Variants in PEBP4 observed in about 807,000 individuals in gnomAD.
PEBP4 encodes phosphatidylethanolamine binding protein 4.
A neutral mutation model predicts 23.9 loss-of-function variants in PEBP4; 22 were observed. That is an observed-to-expected ratio of 0.92 (90% confidence interval 0.66 to 1.31). The LOEUF is 1.31. Ranked by LOEUF, PEBP4 falls within the 40% of genes most tolerant of loss-of-function variation. The pLI is 0.00. For synonymous variants in PEBP4, 112 were observed against 99.3 expected (o/e 1.13, Z -0.76); for missense variants, 324 against 281.7 (o/e 1.15, Z -1.07).
intron 3 of PEBP4, among the ~76,000 whole-genome samples, chr8:22,894,296 T>C (rs1031472194): frequency 2.0e-5 from 3 of 152,106 alleles, no homozygotes; most frequent in Non-Finnish European, 4.4e-5. Flanking sequence ...GGCACAGCCA[T>C]GCATAGTGGC....
chr8:22,841,219 G>C (rs1236070315), intron 3 of PEBP4, among the ~76,000 whole-genome samples: 1 of 152,256 alleles, frequency 6.6e-6, no homozygotes. Flanking sequence ...ACCCAGCTCT[G>C]TCTGACTGCG....
intron 3 of PEBP4, among the ~76,000 whole-genome samples, chr8:22,828,615 G>C (rs898823790): frequency 6.6e-6 from 1 of 152,070 alleles, no homozygotes; most frequent in Non-Finnish European, 1.5e-5. Context: ...TTGGGTAGAC[G>C]CCATTGCACC....
intron 3 of PEBP4, among the ~76,000 whole-genome samples, chr8:22,891,903 C>G (rs770399345): frequency 7.2e-5 from 11 of 152,196 alleles, no homozygotes; most frequent in Non-Finnish European, 7.3e-5. Flanking sequence ...GAAACCCCGT[C>G]TCTATTAAAA....
intron 1 of PEBP4, among the ~76,000 whole-genome samples, chr8:22,939,926 C>T (rs889231711): frequency 1.3e-5 from 2 of 152,154 alleles, no homozygotes; most frequent in Non-Finnish European, 2.9e-5. Context: ...ACTTAATAAG[C>T]CCATTTCATT....
intron 2 of PEBP4, chr8:22,924,891 C>G: frequency 6.1e-6 from 6 of 985,392 alleles, no homozygotes; most frequent in Non-Finnish European, 7.2e-6. Flanking sequence ...CAATGTCTCA[C>G]AGCTTGTCAC....
At chr8:22,923,945 C>A (rs578228928) in intron 2 of PEBP4, among the ~76,000 whole-genome samples, 2 of 152,152 alleles carry the variant, frequency 1.3e-5, no homozygotes, top group Admixed American at 6.5e-5. Flanking sequence ...TAGAAATGAC[C>A]TAGTCTAAGG....
chr8:22,741,904 G>A (rs989076714), intron 4 of PEBP4, among the ~76,000 whole-genome samples: 2 of 152,174 alleles, frequency 1.3e-5, no homozygotes, highest in Non-Finnish European at 2.9e-5. Flanking sequence ...AGTGCGCAGG[G>A]ACACGAGGAG....
intron 4 of PEBP4, among the ~76,000 whole-genome samples, chr8:22,774,871 C>T (rs75153280): frequency 6.8e-4 from 104 of 152,286 alleles, no homozygotes; most frequent in African/African-American, 2.0e-3. Context: ...GACTTTCCCC[C>T]ATGGTCTTCT....
At chr8:22,913,913 G>T (rs574603820) in intron 3 of PEBP4, among the ~76,000 whole-genome samples, 1 of 151,536 alleles carries the variant, frequency 6.6e-6, no homozygotes, top group African/African-American at 2.4e-5. Context: ...TGAACTCCTG[G>T]GTTCAAGTGA....
intron 4 of PEBP4, among the ~76,000 whole-genome samples, chr8:22,814,480 G>T (rs1806697463): frequency 6.6e-6 from 1 of 152,180 alleles, no homozygotes; most frequent in African/African-American, 2.4e-5. Flanking sequence ...GAGGTGGGGG[G>T]TGCCACAGAT....
At chr8:22,768,485 C>T (rs922528088) in intron 4 of PEBP4, among the ~76,000 whole-genome samples, 8 of 152,218 alleles carry the variant, frequency 5.3e-5, no homozygotes, top group Non-Finnish European at 5.9e-5. Flanking sequence ...ACCCCCCATC[C>T]CCTGCCAATC....
chr8:22,862,799 C>CT (rs3060707), intron 3 of PEBP4, among the ~76,000 whole-genome samples: 2,575 of 110,850 alleles, frequency 0.023, 123 homozygotes, highest in African/African-American at 0.076. Context: ...CCCTCATAAC[C>CT]TTTTTTTTTT....
intron 3 of PEBP4, among the ~76,000 whole-genome samples, chr8:22,835,129 A>T (rs1032818256): frequency 1.3e-5 from 2 of 152,200 alleles, no homozygotes; most frequent in African/African-American, 4.8e-5. Flanking sequence ...CCCCAGTTCT[A>T]CATATAGGCT....
chr8:22,873,959 T>C (rs998588446), intron 3 of PEBP4, among the ~76,000 whole-genome samples: 26 of 152,136 alleles, frequency 1.7e-4, no homozygotes, highest in African/African-American at 6.3e-4. Flanking sequence ...GGTTACCACA[T>C]TTGTCCCTAG....
chr8:22,731,922 G>A (rs1468781685), intron 4 of PEBP4, among the ~76,000 whole-genome samples: 2 of 151,688 alleles, frequency 1.3e-5, no homozygotes, highest in East Asian at 1.9e-4. Context: ...TGATCCGCCC[G>A]CCTCGGCTTC....
chr8:22,938,947 T>C (rs759208194), intron 1 of PEBP4, among the ~76,000 whole-genome samples: 1 of 152,254 alleles, frequency 6.6e-6, no homozygotes, highest in Non-Finnish European at 1.5e-5. Flanking sequence ...GACCTTTGGT[T>C]GTCCTACTTA....
At chr8:22,732,637 TGTGTGTG>T (rs1563197640) in intron 4 of PEBP4, among the ~76,000 whole-genome samples, 17 of 19,418 alleles carry the variant, frequency 8.8e-4, no homozygotes, top group Admixed American at 1.4e-3. Context: ...GCCCCATTTG[TGTGTGTG>T]TGTGTGTGTG....
At chr8:22,884,394 G>A (rs1808329011) in intron 3 of PEBP4, 1 of 152,240 alleles carries the variant, frequency 6.6e-6, no homozygotes, top group African/African-American at 2.4e-5. Context: ...TCACCACCAC[G>A]ATGATAGCAC....
chr8:22,863,519 A>G (rs528111284), intron 3 of PEBP4, among the ~76,000 whole-genome samples: 1 of 152,230 alleles, frequency 6.6e-6, no homozygotes, highest in African/African-American at 2.4e-5. Flanking sequence ...TGAAGTGTGC[A>G]TGGGGCTTTT....
Sources: allele counts gnomAD v4.1 joint callset (sites outside exome capture counted in the v4.1 genomes callset), GRCh38; gene constraint gnomAD v4.1.1; transcripts MANE v1.5; gene names NCBI Gene and HGNC (gene_info 2026-07-23, HGNC 2026-07-21).